The following TAFA2 variants were observed in gnomAD, a reference collection of about 807,000 sequenced individuals.
TAFA2 encodes chemokine-like protein TAFA-2.
TAFA2 carries 7 observed loss-of-function variants against 18.8 expected under a neutral mutation model. The observed-to-expected ratio is 0.37, with a 90% CI of 0.21 to 0.70. The LOEUF is 0.70. TAFA2 is among the 30% of genes least tolerant of loss of function. The probability of loss-of-function intolerance (pLI) is 0.53; values close to 1 mark genes in which losing one functional copy is unlikely to be tolerated. For synonymous variants in TAFA2, 60 were observed against 54.2 expected, an observed-to-expected ratio of 1.11 and a Z score of -0.47; for missense variants, 122 against 158.1, an observed-to-expected ratio of 0.77 and a Z score of 1.23.
chr12:62,171,560 T>C (rs554680326), intron 1 of TAFA2, among the ~76,000 whole-genome samples: 2 of 152,168 alleles, frequency 1.3e-5, no homozygotes, highest in Non-Finnish European at 2.9e-5. Flanking sequence ...GCACATGGGA[T>C]TAGTGTCCTT....
intron 1 of TAFA2, among the ~76,000 whole-genome samples, chr12:61,903,278 TCTC>T (rs1876193564): frequency 7.2e-6 from 1 of 139,352 alleles, no homozygotes; most frequent in Non-Finnish European, 1.7e-5. Flanking sequence ...CACCTATCCT[TCTC>T]CCCCTCCCTC....
At position 62,098,498 on chromosome 12, in the gene TAFA2, T is replaced by A. The variant is rs540080786; in HGVS notation, c.-2+92761A>T. Among the ~76,000 whole-genome samples the A allele has an allele frequency of 8.7e-5, 13 of 149,870 alleles. 2 individuals are homozygous for A. In the South Asian group the frequency reaches 2.3e-3, roughly 27 times the overall value. On this transcript the variant is annotated intron_variant, in intron 1 of 4. Transcript: ENST00000416284. ...GGACAAAAGTATCAAAAAATAGACA[T>A]TTAGGTTAAAAACAAACAAACAAAA...
rs373114710 is a variant in TAFA2, at chr12:62,142,018, C to T, written c.-2+49241G>A. Among the ~76,000 whole-genome samples the T allele has an allele frequency of 5.3e-5, 8 of 152,186 alleles. No individual in the cohort carries two copies. The East Asian group carries it at 9.6e-4, about 18-fold the overall frequency. ...GTGCCCACTAATGCCAGGCATCACACGGTCTCCTCACCATCCAACAGGGAA... is the reference window on the plus strand; with the variant it reads ...GTGCCCACTAATGCCAGGCATCACATGGTCTCCTCACCATCCAACAGGGAA... On this transcript the variant is annotated intron_variant, in intron 1 of 4. Coordinates refer to ENST00000416284, the MANE Select transcript of TAFA2 (RefSeq NM_178539.5).
At chr12:61,861,053 C>A (rs567806113) in intron 2 of TAFA2, among the ~76,000 whole-genome samples, 1 of 152,148 alleles carries the variant, frequency 6.6e-6, no homozygotes, top group Admixed American at 6.5e-5. Context: ...TGGGTTCAAG[C>A]CATTCTTCCA....
chr12:61,998,409 A>G (rs1880272125), intron 1 of TAFA2, among the ~76,000 whole-genome samples: 1 of 152,170 alleles, frequency 6.6e-6, no homozygotes, highest in Non-Finnish European at 1.5e-5. Context: ...TCTCATGAAG[A>G]TTGAGCCTAG....
chr12:62,099,303 G>A (rs570633554), intron 1 of TAFA2, among the ~76,000 whole-genome samples: 2 of 152,016 alleles, frequency 1.3e-5, no homozygotes, highest in African/African-American at 2.4e-5. Flanking sequence ...ACTATTATCC[G>A]TACTATATTA....
At chr12:61,710,506 A>G in intron 4 of TAFA2, 89 bp from the exon 5 acceptor site, 1 of 1,112,322 alleles carries the variant, frequency 9.0e-7, no homozygotes, top group Non-Finnish European at 1.3e-6. Flanking sequence ...TAGATAACTC[A>G]AAATGCTGGT....
At chr12:61,902,818 G>A (rs1194491543) in intron 1 of TAFA2, among the ~76,000 whole-genome samples, 7 of 152,064 alleles carry the variant, frequency 4.6e-5, no homozygotes. Context: ...CATATCCTGA[G>A]TAGAGTGATG....
At chr12:61,751,566 G>T (rs1017821182) in intron 4 of TAFA2, among the ~76,000 whole-genome samples, 2 of 151,914 alleles carry the variant, frequency 1.3e-5, no homozygotes, top group African/African-American at 4.8e-5. Context: ...AACACCTACT[G>T]TTGTATGAAA....
intron 1 of TAFA2, among the ~76,000 whole-genome samples, chr12:61,871,598 A>C (rs1408126952): frequency 6.6e-6 from 1 of 152,246 alleles, no homozygotes; most frequent in Non-Finnish European, 1.5e-5. Context: ...TGCAAGGAGC[A>C]CAAGGGAAAA....
At chr12:61,785,319 T>TGTGTG (rs1870683163) in intron 2 of TAFA2, among the ~76,000 whole-genome samples, 1 of 140,084 alleles carries the variant, frequency 7.1e-6, no homozygotes, top group Non-Finnish European at 1.6e-5. Flanking sequence ...AATAGTATTC[T>TGTGTG]TGTGTGTGTG....
At chr12:62,158,442 G>A (rs2062385703) in intron 1 of TAFA2, among the ~76,000 whole-genome samples, 1 of 152,154 alleles carries the variant, frequency 6.6e-6, no homozygotes, top group South Asian at 2.1e-4. Flanking sequence ...AGCTGACCCA[G>A]GTCTTCTCCT....
chr12:61,877,924 TAC>T (rs57233464), intron 1 of TAFA2, among the ~76,000 whole-genome samples: 7 of 147,060 alleles, frequency 4.8e-5, no homozygotes, highest in South Asian at 2.2e-4. Flanking sequence ...TATATATATA[TAC>T]ACACACACAC....
intron 4 of TAFA2, among the ~76,000 whole-genome samples, chr12:61,733,638 G>T (rs1288018374): frequency 4.0e-5 from 6 of 148,280 alleles, no homozygotes; most frequent in Non-Finnish European, 9.0e-5. Context: ...CTATATCTCT[G>T]TTTTGGTACC....
chr12:61,862,249 C>T (rs572027263), intron 2 of TAFA2, among the ~76,000 whole-genome samples: 105 of 152,096 alleles, frequency 6.9e-4, no homozygotes, highest in African/African-American at 2.3e-3. Context: ...GGAAACACTG[C>T]TCATTCTGAC....
chr12:61,854,228 T>C (rs562561398), intron 2 of TAFA2, among the ~76,000 whole-genome samples: 1 of 151,856 alleles, frequency 6.6e-6, no homozygotes, highest in African/African-American at 2.4e-5. Context: ...AAAACAAAAA[T>C]GAAGAGCACT....
intron 1 of TAFA2, among the ~76,000 whole-genome samples, chr12:62,118,670 T>C (rs561074274): frequency 4.5e-4 from 67 of 149,518 alleles, no homozygotes; most frequent in South Asian, 1.5e-3. Flanking sequence ...ACAGTGTAAA[T>C]TTATGTTGTA....
At chr12:61,830,016 T>C (rs1271725210) in intron 2 of TAFA2, among the ~76,000 whole-genome samples, 1 of 151,306 alleles carries the variant, frequency 6.6e-6, no homozygotes, top group African/African-American at 2.4e-5. Flanking sequence ...TGTGCTATAA[T>C]GTCAACAATG....
intron 1 of TAFA2, among the ~76,000 whole-genome samples, chr12:61,950,803 A>G (rs531186710): frequency 2.9e-4 from 44 of 152,278 alleles, no homozygotes; most frequent in African/African-American, 1.0e-3. Flanking sequence ...CACCTATTAT[A>G]ATAACCAGTA....
Sources: allele counts gnomAD v4.1 joint callset (sites outside exome capture counted in the v4.1 genomes callset), GRCh38; gene constraint gnomAD v4.1.1; transcripts MANE v1.5; gene names NCBI Gene and HGNC (gene_info 2026-07-23, HGNC 2026-07-21).